Variants in TTLL9 observed in about 807,000 individuals in gnomAD.
The protein encoded by TTLL9 is probable tubulin polyglutamylase TTLL9.
Under a neutral mutation model 65.6 loss-of-function variants are expected in TTLL9, and 47 were observed. The ratio of observed to expected loss-of-function variants is 0.72; its 90% CI spans 0.57 to 0.91. TTLL9 has a LOEUF of 0.91. TTLL9 is among the 40% of genes least tolerant of loss of function. The pLI is 0.00. For synonymous variants in TTLL9, 179 were observed against 204.8 expected (o/e 0.87, Z 1.07); for missense variants, 537 against 568.8 (o/e 0.94, Z 0.57).
At chr20:31,917,909 T>C (rs1466427332) in intron 6 of TTLL9, among the ~76,000 whole-genome samples, 1 of 148,996 alleles carries the variant, frequency 6.7e-6, no homozygotes, top group South Asian at 2.1e-4. Flanking sequence ...CGGGAGAGTT[T>C]ATTAGAGGCT....
chr20:31,939,214 G>A lies in TTLL9; in HGVS notation c.1191G>A (p.Glu397=). ...ATGATGGCCCTGTTAGCAGAGAGGAGGGGGCTCCTGACCTGTCGGGAATGG... is the reference window on the plus strand; with the variant it reads ...ATGATGGCCCTGTTAGCAGAGAGGAAGGGGCTCCTGACCTGTCGGGAATGG... ...MWNDGPVSRE[E]GAPDLSGMGN... Residue 397 remains glutamate (E), a synonymous_variant, in exon 14 of 15, where the codon GAG becomes GAA. Coordinates refer to ENST00000535842, the MANE Select transcript of TTLL9 (RefSeq NM_001008409.5). The A allele has an allele frequency of 6.2e-7, 1 of 1,613,398 alleles. No homozygotes were observed. Among genetic ancestry groups the A allele is most frequent in the Non-Finnish European group, 8.5e-7 (1 of 1,179,696 alleles).
At position 31,929,930 on chromosome 20, in the gene TTLL9, C is replaced by A. The variant is rs139034140; in HGVS notation, c.748+3839C>A. On this transcript the variant is annotated intron_variant, in intron 10 of 14. Transcript: ENST00000535842. ...ATCACTTGAGGTCAGGAGCTTGAGA[C>A]CAGCCTGACCAATATGGTGAAACCT... Among the ~76,000 whole-genome samples, 739 of 152,196 alleles carry A rather than the reference C, an allele frequency of 4.9e-3. 8 individuals carry two copies. The highest frequency in any genetic ancestry group is 0.017 in the African/African-American group (702 of 41,502).
rs753272197 is a variant in TTLL9, at chr20:31,919,907, T to C, written c.548T>C (p.Leu183Pro). The part of the protein sequence containing the change: ...QGKGIFLFRR[L>P]KDIVDWRKDT... ...AAAGGCATCTTCCTCTTCCGTAGGCTGAAGGACATCGTGGACTGGAGGAAG... is the reference window on the plus strand; with the variant it reads ...AAAGGCATCTTCCTCTTCCGTAGGCCGAAGGACATCGTGGACTGGAGGAAG... Residue 183 changes from leucine to proline, a missense_variant, in exon 7 of 15, where the codon CTG (leucine) becomes CCG (proline). By Grantham distance (98) the Leu-to-Pro change is moderately conservative. Transcript: ENST00000535842. 1.1e-5 allele frequency: 18 copies of C among 1,593,734 alleles called. 1 individual carries two copies. The South Asian group carries it at 1.8e-4, about 16-fold the overall frequency.
At chr20:31,909,438 G>A (rs757949012) in intron 5 of TTLL9, among the ~76,000 whole-genome samples, 8 of 152,090 alleles carry the variant, frequency 5.3e-5, no homozygotes, top group African/African-American at 7.2e-5. Context: ...CACTGCGCCC[G>A]GCCAAAAGCA....
Position 31,870,827 on chromosome 20 carries a change from C to T in TTLL9, c.-128C>T, listed in dbSNP as rs2062913168. 1.9e-6 allele frequency: 1 copy of T among 533,564 alleles called. No individual in the cohort carries two copies. The highest frequency in any genetic ancestry group is 1.9e-5 in the African/African-American group (1 of 51,500). The allele number at this position is 533,564 out of a possible 1,614,324, so 33.1% of individuals were successfully genotyped here. On this transcript the variant is annotated 5_prime_UTR_variant, in exon 1 of 15. Transcript: ENST00000535842. The surrounding 1 kb of genome is among the most constrained non-coding windows in gnomAD (Gnocchi z 6.6). Reference sequence around the variant, plus strand: ...CCCCTTCCGGCTCTGCCTGGACGTCCCTGCGGGCCCCGGGGGAAAGCACCC... The same window carrying T: ...CCCCTTCCGGCTCTGCCTGGACGTCTCTGCGGGCCCCGGGGGAAAGCACCC...
chr20:31,886,817 T>TCAACAA (rs763813395), intron 2 of TTLL9, among the ~76,000 whole-genome samples: 3 of 151,988 alleles, frequency 2.0e-5, no homozygotes, highest in African/African-American at 4.8e-5. Context: ...AGACTCCATC[T>TCAACAA]CAACAACAAC....
At chr20:31,872,072 C>T (rs1291480399) in intron 2 of TTLL9, among the ~76,000 whole-genome samples, 2 of 152,138 alleles carry the variant, frequency 1.3e-5, no homozygotes, top group Non-Finnish European at 2.9e-5. Flanking sequence ...TAGCCATATG[C>T]AGCTAGTAGC....
chr20:31,873,135 C>A, intron 2 of TTLL9: 1 of 427,392 alleles, frequency 2.3e-6, no homozygotes, highest in Non-Finnish European at 4.7e-6. Flanking sequence ...CACAGGGCAG[C>A]TGAAAGGACT....
chr20:31,932,069 T>C (rs2064022605), intron 10 of TTLL9, among the ~76,000 whole-genome samples: 1 of 152,198 alleles, frequency 6.6e-6, no homozygotes, highest in Non-Finnish European at 1.5e-5. Context: ...CTGGGTGCAG[T>C]GGCTTATGCC....
chr20:31,894,333 G>A (rs1042577069), intron 3 of TTLL9, among the ~76,000 whole-genome samples: 6 of 151,578 alleles, frequency 4.0e-5, no homozygotes, highest in Admixed American at 3.9e-4. Flanking sequence ...TGAACTCCTG[G>A]GTGATCCTGC....
rs186069398 is a variant in TTLL9, at chr20:31,887,309, C to T, written c.113+70C>T. The T allele has an allele frequency of 4.7e-4, 708 of 1,496,216 alleles. 5 individuals are homozygous for T. In the African/African-American group the frequency reaches 8.9e-3, roughly 19 times the overall value. The allele number at this position is 1,496,216 out of a possible 1,614,324, so 92.7% of individuals were successfully genotyped here. ...CTCTCCCTCCCTCCCCTTTTCAATC[C>T]CTCTCTCCCTTTTCTACTTCAACAA... On this transcript the variant is annotated intron_variant, in intron 3 of 14. Coordinates refer to ENST00000535842, the MANE Select transcript of TTLL9 (RefSeq NM_001008409.5).
At chr20:31,904,502 C>T (rs374889418) in intron 4 of TTLL9, among the ~76,000 whole-genome samples, 56 of 151,856 alleles carry the variant, frequency 3.7e-4, no homozygotes, top group African/African-American at 1.3e-3. Context: ...GGACTACAGG[C>T]CCATGCCACC....
intron 10 of TTLL9, among the ~76,000 whole-genome samples, chr20:31,930,739 A>C (rs914007587): frequency 6.6e-6 from 1 of 151,826 alleles, no homozygotes; most frequent in Non-Finnish European, 1.5e-5. Context: ...AACTAAGAAA[A>C]GTCTTTTTCT....
Position 31,873,660 on chromosome 20 carries a change from AAAAG to A in TTLL9, c.69+2479_69+2482del, listed in dbSNP as rs1305709916. On this transcript the variant is annotated intron_variant, in intron 2 of 14. Coordinates refer to ENST00000535842, the MANE Select transcript of TTLL9 (RefSeq NM_001008409.5). The stretch of plus-strand genomic sequence containing the variant: ...GTGAGACCCTGTCAAAAAAAAAGAC[AAAAG>A]AAAGAAAGAAAGAGAGAGAGAGAAA... 5.1e-5 allele frequency among the ~76,000 whole-genome samples: 7 copies of A among 137,406 alleles called. No homozygotes were observed. In the East Asian group the frequency reaches 6.2e-4, roughly 12 times the overall value. 90.1% of individuals were successfully genotyped at this position (137,406 alleles called of 152,430 possible). A position where few individuals can be genotyped will look rare whatever the true frequency, so the allele number is the denominator to read the frequency against.
chr20:31,936,044 G>T (rs2064103796), intron 12 of TTLL9, among the ~76,000 whole-genome samples: 1 of 152,166 alleles, frequency 6.6e-6, no homozygotes, highest in Non-Finnish European at 1.5e-5. Flanking sequence ...TCTCCAAGTT[G>T]TTAGAGTAAT....
intron 6 of TTLL9, among the ~76,000 whole-genome samples, chr20:31,916,565 C>G (rs2063736350): frequency 6.6e-6 from 1 of 152,160 alleles, no homozygotes; most frequent in South Asian, 2.1e-4. Context: ...TCTCACAGAA[C>G]AAGAAGGCTG....
intron 6 of TTLL9, among the ~76,000 whole-genome samples, chr20:31,918,468 C>A (rs536726751): frequency 1.1e-4 from 16 of 152,020 alleles, no homozygotes; most frequent in Admixed American, 2.0e-4. Context: ...ATCTCCTGGG[C>A]TAAAGTCATC....
At chr20:31,914,125 G>A (rs1306054496) in intron 6 of TTLL9, among the ~76,000 whole-genome samples, 3 of 152,220 alleles carry the variant, frequency 2.0e-5, no homozygotes, top group Non-Finnish European at 4.4e-5. Context: ...AAACTGCAAG[G>A]CAGGAAGAGC....
chr20:31,933,890 A>ACAGC, intron 11 of TTLL9, 32 bp downstream of exon 11: 3 of 1,605,230 alleles, frequency 1.9e-6, no homozygotes, highest in Non-Finnish European at 2.6e-6. Context: ...ATGCACGGGT[A>ACAGC]CAGCCCTCTG....
Sources: allele counts gnomAD v4.1 joint callset (sites outside exome capture counted in the v4.1 genomes callset), GRCh38; gene constraint gnomAD v4.1.1; non-coding constraint Gnocchi (gnomAD v3.1); transcripts MANE v1.5; gene names NCBI Gene and HGNC (gene_info 2026-07-23, HGNC 2026-07-21).